Variants in SLC35F1 observed in about 807,000 individuals in gnomAD.
The protein encoded by SLC35F1 is solute carrier family 35 member F1.
Under a neutral mutation model 48.7 loss-of-function variants are expected in SLC35F1, and 14 were observed. The observed-to-expected ratio is 0.29, with a 90% confidence interval of 0.19 to 0.45. The LOEUF (loss-of-function observed/expected upper bound fraction) is 0.45, where lower values mean the gene tolerates loss of function less well. Ranked by LOEUF, SLC35F1 falls within the 20% of genes least tolerant of loss-of-function variation. The probability of loss-of-function intolerance (pLI) is 1.00; values close to 1 mark genes in which losing one functional copy is unlikely to be tolerated. For missense variants in SLC35F1, 404 were observed against 500.0 expected, an observed-to-expected ratio of 0.81 and a Z score of 1.83; for synonymous variants, 190 against 202.2, an observed-to-expected ratio of 0.94 and a Z score of 0.51.
intron 1 of SLC35F1, among the ~76,000 whole-genome samples, chr6:118,119,494 G>GCCCCCCCCCCCCC (rs369126799): frequency 1.9e-5 from 1 of 52,222 alleles, no homozygotes; most frequent in Non-Finnish European, 4.1e-5. Context: ...AATAACCGGC[G>GCCCCCCCCCCCCC]CCCCCCCTCC....
intron 7 of SLC35F1, among the ~76,000 whole-genome samples, chr6:118,297,479 C>T (rs561241950): frequency 1.3e-4 from 20 of 151,806 alleles, no homozygotes; most frequent in South Asian, 8.3e-4. Context: ...TGATTCACTG[C>T]GGAAGTGCTA....
chr6:118,200,159 T>C (rs56398865), intron 2 of SLC35F1, among the ~76,000 whole-genome samples: 3 of 147,180 alleles, frequency 2.0e-5, no homozygotes, highest in Admixed American at 6.7e-5. Context: ...TACATACATA[T>C]ATACATACAT....
intron 1 of SLC35F1, among the ~76,000 whole-genome samples, chr6:117,996,946 G>A (rs1272357989): frequency 2.6e-5 from 4 of 152,220 alleles, no homozygotes; most frequent in Admixed American, 1.3e-4. Flanking sequence ...CGAGTTGAGA[G>A]AAGAAGGCTT....
chr6:117,931,327 A>G (rs1378515495), intron 1 of SLC35F1, among the ~76,000 whole-genome samples: 3 of 152,242 alleles, frequency 2.0e-5, no homozygotes, highest in Non-Finnish European at 2.9e-5. Flanking sequence ...AAAAACAGAT[A>G]CAAACAATAC....
At chr6:118,279,371 G>A (rs995824074) in intron 6 of SLC35F1, among the ~76,000 whole-genome samples, 1 of 152,124 alleles carries the variant, frequency 6.6e-6, no homozygotes, top group Admixed American at 6.5e-5. Context: ...GTTGCGTTTG[G>A]GATGTGTTTA....
chr6:117,996,649 G>A (rs1484449286), intron 1 of SLC35F1, among the ~76,000 whole-genome samples: 1 of 152,218 alleles, frequency 6.6e-6, no homozygotes, highest in Non-Finnish European at 1.5e-5. Context: ...TGCAGCCACA[G>A]CTGCTGATAC....
chr6:117,958,348 A>G (rs1315219042), intron 1 of SLC35F1, among the ~76,000 whole-genome samples: 1 of 152,206 alleles, frequency 6.6e-6, no homozygotes, highest in African/African-American at 2.4e-5. Flanking sequence ...AATTTTAAAA[A>G]TAAATGTAGT....
At chr6:118,010,976 C>T (rs1201306840) in intron 1 of SLC35F1, among the ~76,000 whole-genome samples, 1 of 152,116 alleles carries the variant, frequency 6.6e-6, no homozygotes, top group Non-Finnish European at 1.5e-5. Flanking sequence ...TATTTGGAGA[C>T]ATTTTTGGTT....
At chr6:118,085,848 A>C (rs1347571121) in intron 1 of SLC35F1, among the ~76,000 whole-genome samples, 1 of 152,154 alleles carries the variant, frequency 6.6e-6, no homozygotes, top group Non-Finnish European at 1.5e-5. Flanking sequence ...GGCCTAAATT[A>C]TCCTGAAGGA....
intron 1 of SLC35F1, among the ~76,000 whole-genome samples, chr6:118,056,606 C>A (rs1772467011): frequency 6.6e-6 from 1 of 152,136 alleles, no homozygotes; most frequent in Non-Finnish European, 1.5e-5. Flanking sequence ...ATCTGGTTGC[C>A]CTCTCAGGCA....
At chr6:118,262,125 T>G (rs1775720424) in intron 3 of SLC35F1, among the ~76,000 whole-genome samples, 1 of 152,118 alleles carries the variant, frequency 6.6e-6, no homozygotes, top group Admixed American at 6.5e-5. Context: ...TGTCCACTAC[T>G]GGGACAGCTT....
Position 118,146,742 on chromosome 6 carries a change from A to T in SLC35F1, c.174-7703A>T, listed in dbSNP as rs2051615. Among the ~76,000 whole-genome samples, 664 of 152,060 alleles carry T rather than the reference A, an allele frequency of 4.4e-3. 6 individuals are homozygous for T. Among genetic ancestry groups the T allele is most frequent in the African/African-American group, 0.015 (617 of 41,472 alleles). ...TTTCTCATAACCTGCACCCAGCAGG[A>T]CTTGGCAAATGCTACTGACTGATTT... On this transcript the variant is annotated intron_variant, in intron 1 of 7. Coordinates refer to ENST00000360388, the MANE Select transcript of SLC35F1 (RefSeq NM_001029858.4).
intron 2 of SLC35F1, among the ~76,000 whole-genome samples, chr6:118,196,056 G>A (rs1270792047): frequency 6.6e-6 from 1 of 152,170 alleles, no homozygotes; most frequent in Non-Finnish European, 1.5e-5. Context: ...CTCCAGGGGG[G>A]GCCTCCTGAT....
chr6:118,293,678 T>C (rs1219487830), intron 7 of SLC35F1, among the ~76,000 whole-genome samples: 1 of 152,204 alleles, frequency 6.6e-6, no homozygotes. Flanking sequence ...CTGGGATGTA[T>C]GGACATGTGG....
At chr6:118,157,192 C>A (rs1334535394) in intron 2 of SLC35F1, among the ~76,000 whole-genome samples, 3 of 152,120 alleles carry the variant, frequency 2.0e-5, no homozygotes, top group African/African-American at 4.8e-5. Context: ...CCATCCAACG[C>A]AGGGCTGTGA....
chr6:118,032,476 A>G (rs907402076), intron 1 of SLC35F1, among the ~76,000 whole-genome samples: 4 of 152,232 alleles, frequency 2.6e-5, no homozygotes, highest in Non-Finnish European at 5.9e-5. Flanking sequence ...TGGAATGCAT[A>G]GAGATGCCTT....
chr6:118,051,850 G>A (rs1467526560), intron 1 of SLC35F1, among the ~76,000 whole-genome samples: 2 of 152,144 alleles, frequency 1.3e-5, no homozygotes, highest in African/African-American at 4.8e-5. Flanking sequence ...GCTGGGGAAG[G>A]ATTTATGGGT....
intron 1 of SLC35F1, among the ~76,000 whole-genome samples, chr6:118,012,524 T>C (rs1489712208): frequency 6.6e-6 from 1 of 152,130 alleles, no homozygotes; most frequent in Non-Finnish European, 1.5e-5. Flanking sequence ...GTGGACCCAA[T>C]TTTATTAAAG....
intron 1 of SLC35F1, among the ~76,000 whole-genome samples, chr6:118,137,393 C>T (rs1276528015): frequency 6.6e-6 from 1 of 152,190 alleles, no homozygotes; most frequent in Non-Finnish European, 1.5e-5. Context: ...CAGATTTTCA[C>T]AAGACAAATT....
Sources: gnomAD v4.1 joint callset for allele counts (sites outside exome capture counted in the v4.1 genomes callset) on GRCh38, gnomAD v4.1.1 for gene constraint, MANE v1.5 for transcripts, NCBI Gene and HGNC (gene_info 2026-07-23, HGNC 2026-07-21) for gene names.